SLC24A2: variants seen among roughly 807,000 people sequenced by gnomAD.
SLC24A2 encodes the protein sodium/potassium/calcium exchanger 2.
SLC24A2 carries 36 observed loss-of-function variants against 62.0 expected under a neutral mutation model. The observed-to-expected ratio is 0.58, with a 90% CI of 0.44 to 0.77. The LOEUF (loss-of-function observed/expected upper bound fraction) is 0.77, where lower values mean the gene tolerates loss of function less well. Ranked by LOEUF, SLC24A2 falls within the 30% of genes least tolerant of loss-of-function variation. The probability of loss-of-function intolerance (pLI) is 0.00; values close to 1 mark genes in which losing one functional copy is unlikely to be tolerated. For missense variants in SLC24A2, 846 were observed against 817.9 expected (o/e 1.03, Z -0.42); for synonymous variants, 358 against 294.0 (o/e 1.22, Z -2.23).
chr9:19,689,471 T>C (rs980339713), intron 2 of SLC24A2, among the ~76,000 whole-genome samples: 7 of 152,186 alleles, frequency 4.6e-5, no homozygotes, highest in African/African-American at 1.7e-4. Context: ...TCTTTCAACA[T>C]GTCTGACTAA....
chr9:19,738,903 G>A (rs1483188110), intron 2 of SLC24A2, among the ~76,000 whole-genome samples: 1 of 152,126 alleles, frequency 6.6e-6, no homozygotes, highest in Non-Finnish European at 1.5e-5. Flanking sequence ...CAGATCAAGA[G>A]GTCAGGAGTT....
intron 2 of SLC24A2, among the ~76,000 whole-genome samples, chr9:19,730,321 C>T (rs1420674924): frequency 6.6e-6 from 1 of 152,004 alleles, no homozygotes; most frequent in Non-Finnish European, 1.5e-5. Context: ...TTGCATTTAT[C>T]CTACAGATAA....
At chr9:19,853,436 C>T in the SLC24A2 span, among the ~76,000 whole-genome samples, 1 of 152,086 alleles carries the variant, frequency 6.6e-6, no homozygotes. Flanking sequence ...ATTACACTGG[C>T]TGTGGTTTTG....
At chr9:19,992,810 C>G in the SLC24A2 span, among the ~76,000 whole-genome samples, 1 of 152,138 alleles carries the variant, frequency 6.6e-6, no homozygotes, top group Non-Finnish European at 1.5e-5. Context: ...TACTTGTGAC[C>G]TTAAATAACC....
At chr9:19,696,926 T>C (rs1358533557) in intron 2 of SLC24A2, among the ~76,000 whole-genome samples, 1 of 152,204 alleles carries the variant, frequency 6.6e-6, no homozygotes, top group Non-Finnish European at 1.5e-5. Context: ...TAAGGTAACT[T>C]TGTCATGTAC....
At chr9:20,157,720 G>C in the SLC24A2 span, among the ~76,000 whole-genome samples, 1 of 151,332 alleles carries the variant, frequency 6.6e-6, no homozygotes, top group African/African-American at 2.4e-5. Flanking sequence ...TGGCAGTGAA[G>C]AGAAAAAGAG....
chr9:20,124,081 T>A, the SLC24A2 span, among the ~76,000 whole-genome samples: 6 of 152,184 alleles, frequency 3.9e-5, no homozygotes, highest in Non-Finnish European at 8.8e-5. Flanking sequence ...GCCTTTCCAA[T>A]ACTTTCTATT....
At chr9:20,058,492 T>TACACAC in the SLC24A2 span, among the ~76,000 whole-genome samples, 5,040 of 147,858 alleles carry the variant, frequency 0.034, 102 homozygotes, top group African/African-American at 0.045. Flanking sequence ...ATGCCCTTCA[T>TACACAC]ACACACACAC....
At chr9:19,990,922 G>GAGATATATATATATATATATATATAT in the SLC24A2 span, among the ~76,000 whole-genome samples, 154 of 120,778 alleles carry the variant, frequency 1.3e-3, 1 homozygote, top group African/African-American at 5.4e-3. Context: ...GGACTAATAG[G>GAGATATATATATATATATATATATAT]ATATATATAT....
the SLC24A2 span, chr9:19,895,712 C>T: frequency 4.1e-6 from 5 of 1,208,710 alleles, no homozygotes; most frequent in South Asian, 7.3e-5. Context: ...TGGCTCTAGC[C>T]TGGGGCCTGG....
the SLC24A2 span, among the ~76,000 whole-genome samples, chr9:20,278,525 A>T: frequency 4.6e-5 from 7 of 152,302 alleles, no homozygotes; most frequent in African/African-American, 1.7e-4. Context: ...TCTTTGCTAA[A>T]GCACAACAAG....
At chr9:20,050,610 CCATAAGTTTATTA>C in the SLC24A2 span, among the ~76,000 whole-genome samples, 7 of 152,124 alleles carry the variant, frequency 4.6e-5, no homozygotes, top group South Asian at 1.4e-3. Flanking sequence ...CACATCAACT[CCATAAGTTTATTA>C]CAGGGTTCAA....
chr9:20,152,930 T>C, the SLC24A2 span, among the ~76,000 whole-genome samples: 1 of 151,854 alleles, frequency 6.6e-6, no homozygotes, highest in African/African-American at 2.4e-5. Context: ...GCGTTAGTGA[T>C]TGTTGATTTT....
At chr9:19,697,803 T>C (rs992544731) in intron 2 of SLC24A2, among the ~76,000 whole-genome samples, 1 of 152,182 alleles carries the variant, frequency 6.6e-6, no homozygotes, top group African/African-American at 2.4e-5. Context: ...TCATTTAAAT[T>C]AGTTTCGGAA....
At chr9:19,586,649 C>CA (rs906317294) in intron 5 of SLC24A2, among the ~76,000 whole-genome samples, 2 of 151,576 alleles carry the variant, frequency 1.3e-5, no homozygotes, top group African/African-American at 2.4e-5. Context: ...TTTTACAAAC[C>CA]AAAAAAACTC....
chr9:19,856,326 T>C, the SLC24A2 span, among the ~76,000 whole-genome samples: 1 of 152,208 alleles, frequency 6.6e-6, no homozygotes, highest in African/African-American at 2.4e-5. Flanking sequence ...TGTGCCTTTG[T>C]TGGAGAGGAG....
chr9:20,160,323 T>C, the SLC24A2 span, among the ~76,000 whole-genome samples: 3 of 151,398 alleles, frequency 2.0e-5, no homozygotes, highest in South Asian at 4.2e-4. Flanking sequence ...AGGAGAAACA[T>C]AGAAAAACAC....
the SLC24A2 span, among the ~76,000 whole-genome samples, chr9:20,084,753 G>A: frequency 2.0e-5 from 3 of 152,154 alleles, no homozygotes; most frequent in South Asian, 2.1e-4. Flanking sequence ...TTCAGCTTCT[G>A]ACATATTCCC....
At chr9:19,745,777 T>C (rs1821814919) in intron 2 of SLC24A2, among the ~76,000 whole-genome samples, 1 of 152,138 alleles carries the variant, frequency 6.6e-6, no homozygotes, top group Non-Finnish European at 1.5e-5. Flanking sequence ...ATAAGAACTT[T>C]ACACAATAGG....
Sources: allele counts gnomAD v4.1 joint callset (sites outside exome capture counted in the v4.1 genomes callset), GRCh38; gene constraint gnomAD v4.1.1; transcripts MANE v1.5; gene names NCBI Gene and HGNC (gene_info 2026-07-23, HGNC 2026-07-21).